Variants in TAPT1 observed in about 807,000 individuals in gnomAD.
TAPT1 encodes transmembrane anterior posterior transformation protein 1 homolog.
A neutral mutation model predicts 65.6 loss-of-function variants in TAPT1; 28 were observed. The ratio of observed to expected loss-of-function variants is 0.43; its 90% CI spans 0.32 to 0.59. TAPT1 has a LOEUF of 0.59. Ranked by LOEUF, TAPT1 falls within the 20% of genes least tolerant of loss-of-function variation. TAPT1 has a pLI of 0.09. For synonymous variants in TAPT1, 278 were observed against 245.2 expected, an observed-to-expected ratio of 1.13 and a Z score of -1.25; for missense variants, 563 against 679.9, an observed-to-expected ratio of 0.83 and a Z score of 1.91.
intron 2 of TAPT1, among the ~76,000 whole-genome samples, chr4:16,212,122 G>A (rs1209999161): frequency 6.6e-6 from 1 of 152,204 alleles, no homozygotes; most frequent in Non-Finnish European, 1.5e-5. Flanking sequence ...TAAAAGGGGT[G>A]AGACAGATAC....
Position 16,179,626 on chromosome 4 carries a change from A to C in TAPT1, c.948T>G (p.Leu316=). 1.9e-6 allele frequency: 3 copies of C among 1,541,866 alleles called. No homozygotes were observed. The South Asian group carries it at 3.7e-5, about 19-fold the overall frequency. Residue 316 remains leucine (L), a synonymous_variant, in exon 8 of 14, where the codon CTT becomes CTG. Transcript: ENST00000405303. ...DIKERFTNYV[L]LLIVCLRNME... ...TGTTTCTTAGACACACTATCAGTAA[A>C]AGCACATAATTTGTGAATCGTTCCT...
chr4:16,178,628 G>T (rs557556793), intron 8 of TAPT1, among the ~76,000 whole-genome samples: 1 of 152,080 alleles, frequency 6.6e-6, no homozygotes, highest in South Asian at 2.1e-4. Context: ...TACAAATGTC[G>T]TAGTATTTTT....
In TAPT1 at chr4:16,163,678, G is replaced by A. The variant is rs372256586; in HGVS notation, c.1475-141C>T. 7 of 648,326 alleles carry A rather than the reference G, an allele frequency of 1.1e-5. No homozygotes were observed. The African/African-American group carries it at 1.3e-4, about 12-fold the overall frequency. The allele number at this position is 648,326 out of a possible 1,614,324, so 40.2% of individuals were successfully genotyped here. On this transcript the variant is annotated intron_variant, in intron 13 of 13. Coordinates refer to ENST00000405303, the MANE Select transcript of TAPT1 (RefSeq NM_153365.3). ...AAAGCAAATGATAACCAAATAGCAT[G>A]TTGTATAAGCAGCCATCATTTATAA... is the stretch of plus-strand genomic sequence containing the variant.
chr4:16,176,707 A>G (rs552583918), intron 8 of TAPT1: 3 of 152,600 alleles, frequency 2.0e-5, no homozygotes, highest in Admixed American at 2.0e-4. Flanking sequence ...AACAACAACA[A>G]CAAAAACCCA....
At chr4:16,213,013 A>G (rs1750733274) in intron 2 of TAPT1, among the ~76,000 whole-genome samples, 1 of 152,242 alleles carries the variant, frequency 6.6e-6, no homozygotes, top group South Asian at 2.1e-4. Flanking sequence ...ACTCCAACAG[A>G]AAGTATGATT....
At chr4:16,164,691 A>G (rs1371484466) in intron 13 of TAPT1, among the ~76,000 whole-genome samples, 1 of 152,154 alleles carries the variant, frequency 6.6e-6, no homozygotes, top group African/African-American at 2.4e-5. Context: ...TTAGCCTCCC[A>G]AAGTGCTGGG....
intron 1 of TAPT1, among the ~76,000 whole-genome samples, chr4:16,215,820 C>A (rs938286071): frequency 6.6e-6 from 1 of 152,126 alleles, no homozygotes; most frequent in Non-Finnish European, 1.5e-5. Context: ...ATATGTTCTA[C>A]GCTGGCTAGA....
rs541420616 is a variant in TAPT1 at position 16,164,225 on chromosome 4, C to T, written c.1475-688G>A. ...TCTGATGAGTTCTGACATGTGCATA[C>T]ACCTGGTCACACTACTGCCATGATG... On this transcript the variant is annotated intron_variant, in intron 13 of 13. Transcript: ENST00000405303. Among the ~76,000 whole-genome samples the T allele has an allele frequency of 7.9e-5, 12 of 152,272 alleles. No individual in the cohort carries two copies. In the South Asian group the frequency reaches 2.3e-3, roughly 29 times the overall value.
chr4:16,193,604 A>G (rs1481329701), intron 3 of TAPT1, among the ~76,000 whole-genome samples: 3 of 152,218 alleles, frequency 2.0e-5, no homozygotes, highest in African/African-American at 7.2e-5. Flanking sequence ...TGGAAGACCT[A>G]TTATATCTGC....
intron 11 of TAPT1, 117 bp downstream of exon 11, chr4:16,174,083 GTTAT>G: frequency 1.2e-6 from 1 of 842,324 alleles, no homozygotes; most frequent in Non-Finnish European, 1.8e-6. Flanking sequence ...TTTCTTCCAA[GTTAT>G]TTACCCTTAA....
chr4:16,223,843 CTAA>C (rs1283870623), intron 1 of TAPT1, among the ~76,000 whole-genome samples: 1 of 151,930 alleles, frequency 6.6e-6, no homozygotes, highest in African/African-American at 2.4e-5. Flanking sequence ...GGATAAGTAC[CTAA>C]TATGTACATT....
At chr4:16,218,514 G>A (rs1174941453) in intron 1 of TAPT1, among the ~76,000 whole-genome samples, 2 of 152,360 alleles carry the variant, frequency 1.3e-5, no homozygotes, top group Admixed American at 6.5e-5. Context: ...CCACAGAAGA[G>A]CATGGGATTA....
At chr4:16,199,522 A>G (rs1191250636) in intron 3 of TAPT1, among the ~76,000 whole-genome samples, 1 of 152,200 alleles carries the variant, frequency 6.6e-6, no homozygotes, top group Non-Finnish European at 1.5e-5. Context: ...TAGTAAAAGT[A>G]AATACTGGCA....
chr4:16,221,387 A>G (rs1751247100), intron 1 of TAPT1, among the ~76,000 whole-genome samples: 1 of 152,078 alleles, frequency 6.6e-6, no homozygotes, highest in Non-Finnish European at 1.5e-5. Context: ...CAGCCTCCCA[A>G]AGTGCTGGGA....
Position 16,161,510 on chromosome 4 carries a change from AG to A in TAPT1, c.*1797del, listed in dbSNP as rs1297160385. ...CAAACCATGTTCCTGCTCTGAAATC[AG>A]GGTTGTGTTTGGCAAAGCTTTCCCC... On this transcript the variant is annotated 3_prime_UTR_variant, in exon 14 of 14. Transcript: ENST00000405303. The A allele has an allele frequency of 6.5e-6, 1 of 152,672 alleles. No homozygotes were observed. The highest frequency in any genetic ancestry group is 6.5e-5 in the Admixed American group (1 of 15,284). The allele number at this position is 152,672 out of a possible 1,614,324, so 9.5% of individuals were successfully genotyped here. A position where few individuals can be genotyped will look rare whatever the true frequency, so the allele number is the denominator to read the frequency against.
chr4:16,219,148 AAGG>A (rs1215845369), intron 1 of TAPT1, among the ~76,000 whole-genome samples: 1 of 152,204 alleles, frequency 6.6e-6, no homozygotes, highest in East Asian at 1.9e-4. Flanking sequence ...CAGAGAGGCT[AAGG>A]AGATCTCCAA....
In TAPT1 at chr4:16,162,365, A is replaced by C. The variant is rs1747309366; in HGVS notation, c.*943T>G. The C allele has an allele frequency of 6.5e-6, 1 of 152,928 alleles. No homozygotes were observed. The highest frequency in any genetic ancestry group is 2.4e-5 in the African/African-American group (1 of 41,450). The allele number at this position is 152,928 out of a possible 1,614,324, so 9.5% of individuals were successfully genotyped here. ...AGCCCAAGCAAGATGATGCTGTCTA[A>C]CACACTTGGAGCATTTACTTTACAG... On this transcript the variant is annotated 3_prime_UTR_variant, in exon 14 of 14. Coordinates refer to ENST00000405303, the MANE Select transcript of TAPT1 (RefSeq NM_153365.3).
upstream of TAPT1, chr4:16,227,197 G>A (rs919362424): frequency 6.6e-6 from 3 of 455,674 alleles, no homozygotes; most frequent in African/African-American, 6.0e-5. Context: ...CGCAGGGGAG[G>A]GGCCGCGGCC....
At chr4:16,213,272 C>T (rs1247869882) in intron 2 of TAPT1, among the ~76,000 whole-genome samples, 2 of 152,196 alleles carry the variant, frequency 1.3e-5, no homozygotes, top group East Asian at 3.8e-4. Flanking sequence ...GCTGTTACTA[C>T]ACTCACCCTG....
Sources: allele counts gnomAD v4.1 joint callset (sites outside exome capture counted in the v4.1 genomes callset), GRCh38; gene constraint gnomAD v4.1.1; transcripts MANE v1.5; gene names NCBI Gene and HGNC (gene_info 2026-07-23, HGNC 2026-07-21).